Variants in ZNF652 observed in about 807,000 individuals in gnomAD.
ZNF652 encodes zinc finger protein 652.
A neutral mutation model predicts 45.2 loss-of-function variants in ZNF652; 16 were observed. The observed-to-expected ratio is 0.35, with a 90% confidence interval of 0.24 to 0.54. The LOEUF (loss-of-function observed/expected upper bound fraction) is 0.54, where lower values mean the gene tolerates loss of function less well. Ranked by LOEUF, ZNF652 falls within the 20% of genes least tolerant of loss-of-function variation. The pLI is 0.91. For synonymous variants in ZNF652, 250 were observed against 260.6 expected, an observed-to-expected ratio of 0.96 and a Z score of 0.39; for missense variants, 614 against 765.6, an observed-to-expected ratio of 0.80 and a Z score of 2.34.
chr17:49,316,176 T>C (rs2069801734), intron 2 of ZNF652, among the ~76,000 whole-genome samples: 1 of 152,260 alleles, frequency 6.6e-6, no homozygotes, highest in Admixed American at 6.5e-5. Context: ...ACAGCCTGGT[T>C]TGAATACCGT....
intron 5 of ZNF652, among the ~76,000 whole-genome samples, chr17:49,304,878 G>GTGTATATATA (rs946241503): frequency 2.1e-4 from 31 of 149,226 alleles, no homozygotes; most frequent in African/African-American, 6.2e-4. Context: ...ATATATATGT[G>GTGTATATATA]TATATATATA....
At chr17:49,324,399 A>AT (rs139716483) in intron 1 of ZNF652, among the ~76,000 whole-genome samples, 16,144 of 149,720 alleles carry the variant, frequency 0.11, 915 homozygotes, top group East Asian at 0.17. Context: ...TTTTTATTTT[A>AT]TTTTTTTTTT....
chr17:49,350,988 TA>T (rs2070267558), intron 1 of ZNF652, among the ~76,000 whole-genome samples: 1 of 31,612 alleles, frequency 3.2e-5, no homozygotes, highest in Non-Finnish European at 5.4e-5. Flanking sequence ...TATATATATA[TA>T]TATATATATA....
chr17:49,306,827 A>G (rs893700066), intron 5 of ZNF652, among the ~76,000 whole-genome samples: 3 of 152,036 alleles, frequency 2.0e-5, no homozygotes, highest in African/African-American at 7.2e-5. Context: ...ATCTCAGCTC[A>G]CTGCAACCTC....
chr17:49,315,082 C>T (rs1207937369), intron 2 of ZNF652, among the ~76,000 whole-genome samples: 1 of 143,764 alleles, frequency 7.0e-6, no homozygotes, highest in Non-Finnish European at 1.5e-5. Flanking sequence ...ACTCTTCTTG[C>T]CCAGGCTGGA....
At chr17:49,305,143 T>TACCC (rs1344194649) in intron 5 of ZNF652, among the ~76,000 whole-genome samples, 1 of 152,134 alleles carries the variant, frequency 6.6e-6, no homozygotes, top group Admixed American at 6.6e-5. Flanking sequence ...CCTTCTATGC[T>TACCC]ACCCTTTGAT....
At chr17:49,307,612 C>G (rs113056032) in intron 5 of ZNF652, among the ~76,000 whole-genome samples, 1 of 147,298 alleles carries the variant, frequency 6.8e-6, no homozygotes, top group African/African-American at 2.5e-5. Context: ...ATAGGCTGGG[C>G]GTGGCAGCAT....
intron 1 of ZNF652, among the ~76,000 whole-genome samples, chr17:49,353,904 A>C (rs1433543522): frequency 6.6e-6 from 1 of 152,246 alleles, no homozygotes; most frequent in African/African-American, 2.4e-5. Context: ...ACAGTGCACC[A>C]CCTGGTCTTA....
chr17:49,327,289 A>G (rs2069965823), intron 1 of ZNF652, among the ~76,000 whole-genome samples: 1 of 151,732 alleles, frequency 6.6e-6, no homozygotes, highest in Non-Finnish European at 1.5e-5. Flanking sequence ...CAGCCTCCCT[A>G]GTAGCTGGGA....
At chr17:49,358,890 GT>G (rs2070365310) in intron 1 of ZNF652, among the ~76,000 whole-genome samples, 1 of 152,160 alleles carries the variant, frequency 6.6e-6, no homozygotes. Context: ...AAAGCAAGCT[GT>G]TTGTATTAAT....
chr17:49,312,953 T>A (rs755492732), intron 2 of ZNF652, 108 bp from the exon 3 acceptor site: 4 of 1,071,222 alleles, frequency 3.7e-6, no homozygotes, highest in Non-Finnish European at 5.4e-6. Context: ...AAGGCCAGAA[T>A]CCAGATAAGT....
chr17:49,337,170 C>G (rs1205369578), intron 1 of ZNF652, among the ~76,000 whole-genome samples: 2 of 151,142 alleles, frequency 1.3e-5, no homozygotes, highest in Non-Finnish European at 3.0e-5. Flanking sequence ...CCCATGTCTA[C>G]AAAAATTTTT....
chr17:49,315,589 A>G (rs2069791882), intron 2 of ZNF652, among the ~76,000 whole-genome samples: 1 of 151,696 alleles, frequency 6.6e-6, no homozygotes, highest in South Asian at 2.1e-4. Flanking sequence ...CAAAACCTAT[A>G]TATAAAGATC....
chr17:49,336,696 G>A (rs1014225615), intron 1 of ZNF652, among the ~76,000 whole-genome samples: 1 of 149,938 alleles, frequency 6.7e-6, no homozygotes, highest in Admixed American at 6.7e-5. Context: ...ACGCAATCTC[G>A]GCTTACTGCA....
intron 1 of ZNF652, among the ~76,000 whole-genome samples, chr17:49,361,680 A>G (rs2070396651): frequency 6.6e-6 from 1 of 152,052 alleles, no homozygotes; most frequent in South Asian, 2.1e-4. Context: ...AGGGGGCGAA[A>G]GAGCAGGAGC....
At position 49,295,272 on chromosome 17, in the gene ZNF652, T is replaced by C. The variant is rs1049170432; in HGVS notation, c.*3141A>G. 1 of 151,990 alleles carries C rather than the reference T, an allele frequency of 6.6e-6. No individual in the cohort carries two copies. Among genetic ancestry groups the C allele is most frequent in the African/African-American group, 2.4e-5 (1 of 41,432 alleles). The allele number at this position is 151,990 out of a possible 1,614,324, so 9.4% of individuals were successfully genotyped here. On this transcript the variant is annotated 3_prime_UTR_variant, in exon 6 of 6. Coordinates refer to ENST00000430262, the MANE Select transcript of ZNF652 (RefSeq NM_001145365.3). ...ATATGATACTGATGAGGAGTCATTA[T>C]ATTCTGAGTAGTTTTCCTGAAGACC...
intron 5 of ZNF652, among the ~76,000 whole-genome samples, chr17:49,299,905 T>C (rs2240301): frequency 0.56 from 84,252 of 149,728 alleles, 24,039 homozygotes; most frequent in South Asian, 0.74. Context: ...AGGCTGGTCT[T>C]GAACCCATGG....
rs926945590 is a variant in ZNF652 at position 49,297,860 on chromosome 17, TAA to T, written c.*551_*552del. On this transcript the variant is annotated 3_prime_UTR_variant, in exon 6 of 6. Coordinates refer to ENST00000430262, the MANE Select transcript of ZNF652 (RefSeq NM_001145365.3). ...CTCTAAAATAATTTCTGTAGTAAAA[TAA>T]AGAGTGCGTTAGGAGAGCTACACAA... 1 of 152,746 alleles carries T rather than the reference TAA, an allele frequency of 6.5e-6. No homozygotes were observed. The highest frequency in any genetic ancestry group is 1.5e-5 in the Non-Finnish European group (1 of 68,202). The allele number at this position is 152,746 out of a possible 1,614,324, so 9.5% of individuals were successfully genotyped here.
intron 1 of ZNF652, among the ~76,000 whole-genome samples, chr17:49,353,505 C>T (rs575643219): frequency 6.6e-6 from 1 of 151,924 alleles, no homozygotes; most frequent in South Asian, 2.1e-4. Flanking sequence ...GAGACAGAGT[C>T]TCGCTCTGTC....
Sources: allele counts gnomAD v4.1 joint callset (sites outside exome capture counted in the v4.1 genomes callset), GRCh38; gene constraint gnomAD v4.1.1; transcripts MANE v1.5; gene names NCBI Gene and HGNC (gene_info 2026-07-23, HGNC 2026-07-21).